CCDC142: variants seen among roughly 807,000 people sequenced by gnomAD.
The protein encoded by CCDC142 is coiled-coil domain-containing protein 142.
Under a neutral mutation model 83.8 loss-of-function variants are expected in CCDC142, and 67 were observed. That is an observed-to-expected ratio of 0.80 (90% confidence interval 0.66 to 0.98). CCDC142 has a LOEUF of 0.98. Among genes scored for constraint, CCDC142 ranks in the 50% least tolerant of loss-of-function variants. CCDC142 has a pLI of 0.00. For missense variants in CCDC142, 905 were observed against 946.8 expected, an observed-to-expected ratio of 0.96 and a Z score of 0.58; for synonymous variants, 421 against 421.2, an observed-to-expected ratio of 1.00 and a Z score of 0.01.
intron 1 of CCDC142, 111 bp downstream of exon 1, chr2:74,481,706 G>A (rs1231093336): frequency 2.1e-6 from 3 of 1,422,662 alleles, no homozygotes; most frequent in Admixed American, 2.0e-5. Context: ...ACCCAGGGGT[G>A]TTCTTTCTAA....
Position 74,475,008 on chromosome 2 carries a change from A to G in CCDC142, c.1904T>C (p.Leu635Pro). ...CCCATCCAGCTGCTGGAAGATGCTG[A>G]GCATGAGCAGGGTCTGGCGGAGATC... is the stretch of plus-strand genomic sequence containing the variant. ...SPDLRQTLLM[L>P]SIFQQLDGAL... is the part of the protein sequence containing the mutation. Residue 635 changes from leucine (L) to proline (P), a missense_variant, in exon 8 of 9, where the codon CTC becomes CCC. Leu to Pro is a moderately conservative substitution (Grantham distance 98, BLOSUM62 -3). Transcript: ENST00000393965. 1 of 1,614,012 alleles carries G rather than the reference A, an allele frequency of 6.2e-7. No homozygotes were observed. The highest frequency in any genetic ancestry group is 1.7e-5 in the Admixed American group (1 of 59,994).
Position 74,475,649 on chromosome 2 carries a change from C to T in CCDC142, c.1581G>A (p.Met527Ile). 6.2e-7 allele frequency: 1 copy of T among 1,614,114 alleles called. No homozygotes were observed. The highest frequency in any genetic ancestry group is 8.5e-7 in the Non-Finnish European group (1 of 1,180,024). Residue 527 changes from methionine (M) to isoleucine (I), a missense_variant, in exon 6 of 9, where the codon ATG becomes ATA. By Grantham distance (10) the Met-to-Ile change is conservative. Coordinates refer to ENST00000393965, the MANE Select transcript of CCDC142 (RefSeq NM_001365575.2). Reference protein sequence around the residue: ...KQAMQGFKLYMPRGRYWRLRL... With the variant: ...KQAMQGFKLYIPRGRYWRLRL... ...GAAGCCGCCAGTACCGACCCCGTGG[C>T]ATGTAGAGCTTGAAACCTTGCATGG...
At position 74,480,862 on chromosome 2, in the gene CCDC142, T is replaced by C. The variant is rs928073391; in HGVS notation, c.1410A>G (p.Glu470=). 6 of 1,613,808 alleles carry C rather than the reference T, an allele frequency of 3.7e-6. No individual in the cohort carries two copies. The African/African-American group carries it at 6.7e-5, about 18-fold the overall frequency. ...KDLPPLLHEA[E]ALYSLASEES... Reference sequence around the variant, plus strand: ...CCTCTGAGGCCAGGCTATACAAAGCTTCTGCCTCATGCAACAGAGGCTTTG... The same window carrying C: ...CCTCTGAGGCCAGGCTATACAAAGCCTCTGCCTCATGCAACAGAGGCTTTG... The change falls in exon 5 of 9, where the codon GAA becomes GAG. Residue 470 remains glutamate, a synonymous_variant. Coordinates refer to ENST00000393965, the MANE Select transcript of CCDC142 (RefSeq NM_001365575.2).
At chr2:74,480,711 G>A (rs528470385) in intron 5 of CCDC142, 58 bp downstream of exon 5, 83 of 1,225,248 alleles carry the variant, frequency 6.8e-5, no homozygotes, top group Admixed American at 2.2e-4. Flanking sequence ...TCCCACCCCC[G>A]ATACTTGGCA....
chr2:74,481,303 T>G lies in CCDC142; in HGVS notation c.1178A>C (p.Glu393Ala), dbSNP rs1272076912. 1.2e-6 allele frequency: 2 copies of G among 1,613,920 alleles called. No homozygotes were observed. The highest frequency in any genetic ancestry group is 2.7e-5 in the African/African-American group (2 of 74,874). ...SSLPTSSGTA[E>A]LLQQLFPPLL... is the part of the protein sequence containing the mutation. The stretch of plus-strand genomic sequence containing the variant: ...AGGAGGAAAGAGCTGCTGCAAAAGT[T>G]CAGCAGTGCCAGAGGATGTGGGAAG... Residue 393 changes from glutamate (E) to alanine (A), a missense_variant, in exon 3 of 9, where the codon GAA becomes GCA. This residue lies in a region of CCDC142 where 591 missense variants were observed against 571.4 expected (regional missense o/e 1.03). Coordinates refer to ENST00000393965, the MANE Select transcript of CCDC142 (RefSeq NM_001365575.2).
Position 74,482,676 on chromosome 2 carries a change from C to T in CCDC142, c.162G>A (p.Thr54=). ...CATCCGCCGGCGTCGGCCACCACGGCGTCCCTCCAGAAGTTCCGCTCGGCC... is the reference window on the plus strand; with the variant it reads ...CATCCGCCGGCGTCGGCCACCACGGTGTCCCTCCAGAAGTTCCGCTCGGCC... ...HCWPSGTSGG[T]PWWPTPADVS... Residue 54 remains threonine, a synonymous_variant, in exon 1 of 9, where the codon ACG becomes ACA. Transcript: ENST00000393965. This position sits in a 1 kb window ranked among gnomAD's most constrained non-coding sequence, Gnocchi z 5.0. 1.2e-6 allele frequency: 2 copies of T among 1,610,832 alleles called. No homozygotes were observed. The highest frequency in any genetic ancestry group is 1.1e-5 in the South Asian group (1 of 91,088).
At chr2:74,475,201 G>C (rs1672293504) in intron 7 of CCDC142, 24 bp downstream of exon 7, 2 of 1,613,946 alleles carry the variant, frequency 1.2e-6, no homozygotes, top group Non-Finnish European at 1.7e-6. Context: ...TTCACCCCCT[G>C]CCACTTCCAC....
chr2:74,481,332 G>A lies in CCDC142; in HGVS notation c.1149C>T (p.Ser383=). Residue 383 remains serine (S), a synonymous_variant, in exon 3 of 9, where the codon AGC becomes AGT. Transcript: ENST00000393965. ...QALGSALGGQ[S]SLPTSSGTAE... is the part of the protein sequence containing the mutation. Reference sequence around the variant, plus strand: ...CAGTGCCAGAGGATGTGGGAAGGCTGCTCTGACCCCCAAGAGCTGATCCCA... The same window carrying A: ...CAGTGCCAGAGGATGTGGGAAGGCTACTCTGACCCCCAAGAGCTGATCCCA... 6.2e-7 allele frequency: 1 copy of A among 1,614,130 alleles called. No homozygotes were observed. The highest frequency in any genetic ancestry group is 8.5e-7 in the Non-Finnish European group (1 of 1,180,014).
rs1202879537 is a variant in CCDC142 at position 74,474,928 on chromosome 2, G to T, written c.1984C>A (p.Pro662Thr). ...GGGAGTAACTCACAGCAACAGGGGG[G>T]CCTCCTGTGGACTTGAGACTTGGGC... ...PLPKSQVHRR[P>T]PCCCACQEVQ... The change falls in exon 8 of 9, where the codon CCC becomes ACC. Residue 662 changes from proline to threonine, a missense_variant. Around this residue, in one of 3 missense-constraint regions of CCDC142, gnomAD observed 265 missense variants for 288.9 expected, o/e 0.92. Coordinates refer to ENST00000393965, the MANE Select transcript of CCDC142 (RefSeq NM_001365575.2). 2 of 1,596,192 alleles carry T rather than the reference G, an allele frequency of 1.3e-6. No homozygotes were observed. Among genetic ancestry groups the T allele is most frequent in the Admixed American group, 1.7e-5 (1 of 58,068 alleles).
Position 74,481,358 on chromosome 2 carries a change from A to T in CCDC142, c.1123T>A (p.Leu375Met). The T allele has an allele frequency of 6.2e-7, 1 of 1,614,102 alleles. No individual in the cohort carries two copies. The highest frequency in any genetic ancestry group is 8.5e-7 in the Non-Finnish European group (1 of 1,180,020). Residue 375 changes from leucine (L) to methionine (M), a missense_variant, in exon 3 of 9, where the codon TTG (leucine) becomes ATG (methionine). By Grantham distance (15) the Leu-to-Met change is conservative. This residue lies in a region of CCDC142 where 591 missense variants were observed against 571.4 expected (regional missense o/e 1.03). Coordinates refer to ENST00000393965, the MANE Select transcript of CCDC142 (RefSeq NM_001365575.2). ...CTCTGACCCCCAAGAGCTGATCCCA[A>T]GGCCTGGCAGAAACCTGAGGATGAG... The part of the protein sequence containing the change: ...WSWDQGFCQA[L>M]GSALGGQSSL...
At position 74,480,956 on chromosome 2, in the gene CCDC142, A is replaced by G; in HGVS notation, c.1389T>C (p.Pro463=). Residue 463 remains proline (P), a splice_region_variant and synonymous_variant, in exon 4 of 9, where the codon CCT becomes CCC. Transcript: ENST00000393965. ...SFLLLIQKDL[P]PLLHEAEALY... ...CCCTCCCTACTCCCCAGCCACTCAC[A>G]GGTAAGTCCTTTTGGATCAGGAGCA... The G allele has an allele frequency of 6.2e-7, 1 of 1,613,782 alleles. No individual in the cohort carries two copies. Among genetic ancestry groups the G allele is most frequent in the Non-Finnish European group, 8.5e-7 (1 of 1,179,700 alleles).
intron 5 of CCDC142, among the ~76,000 whole-genome samples, chr2:74,480,441 G>T (rs1402126265): frequency 6.6e-6 from 1 of 151,956 alleles, no homozygotes; most frequent in East Asian, 1.9e-4. Context: ...AAATTCAAAA[G>T]TTAGACACGT....
rs181465627 is a variant in CCDC142, at chr2:74,479,340, A to T, written c.1503+1429T>A. Among the ~76,000 whole-genome samples the T allele has an allele frequency of 9.2e-5, 14 of 152,330 alleles. No homozygotes were observed. The East Asian group carries it at 2.7e-3, about 29-fold the overall frequency. ...CACACCCCTATTCGGGGCAAAGAGG[A>T]GAAAACTGAGCAGGAAAACAAAAAA... On this transcript the variant is annotated intron_variant, in intron 5 of 8. Transcript: ENST00000393965.
rs577608479 is a variant in CCDC142 at position 74,473,753 on chromosome 2, G to A, written c.*793C>T. 1.4e-5 allele frequency: 2 copies of A among 146,800 alleles called. No individual in the cohort carries two copies. The highest frequency in any genetic ancestry group is 5.0e-5 in the African/African-American group (2 of 40,106). 9.1% of individuals were successfully genotyped at this position (146,800 alleles called of 1,614,324 possible). ...TTTACTCTGGATTCCAGGTGCTGGAGTGATCTTGGATTTTTTTTTTTTTTT... is the reference window on the plus strand; with the variant it reads ...TTTACTCTGGATTCCAGGTGCTGGAATGATCTTGGATTTTTTTTTTTTTTT... On this transcript the variant is annotated 3_prime_UTR_variant, in exon 9 of 9. Transcript: ENST00000393965.
rs892481531 is a variant in CCDC142, at chr2:74,472,891, A to T, written c.*1655T>A. ...AGGCTGTCAGCAAATACAGCCTATC[A>T]TGAATAGTCCTCTCATACGACGGTG... On this transcript the variant is annotated 3_prime_UTR_variant, in exon 9 of 9. Coordinates refer to ENST00000393965, the MANE Select transcript of CCDC142 (RefSeq NM_001365575.2). The T allele has an allele frequency of 6.8e-6, 4 of 586,964 alleles. No individual in the cohort carries two copies. The highest frequency in any genetic ancestry group is 1.2e-5 in the Non-Finnish European group (4 of 328,348). 36.4% of individuals were successfully genotyped at this position (586,964 alleles called of 1,614,324 possible). A position where few individuals can be genotyped will look rare whatever the true frequency, so the allele number is the denominator to read the frequency against.
intron 5 of CCDC142, among the ~76,000 whole-genome samples, chr2:74,478,847 T>A (rs1672383351): frequency 6.7e-6 from 1 of 150,152 alleles, no homozygotes; most frequent in Non-Finnish European, 1.5e-5. Context: ...GCCAACATGG[T>A]GAAACCCATC....
At chr2:74,480,462 G>A (rs1449762928) in intron 5 of CCDC142, among the ~76,000 whole-genome samples, 1 of 151,926 alleles carries the variant, frequency 6.6e-6, no homozygotes, top group African/African-American at 2.4e-5. Flanking sequence ...GTGGTGGCAC[G>A]AGCTTGTAGT....
intron 6 of CCDC142, 57 bp from the exon 7 acceptor site, chr2:74,475,459 A>T: frequency 9.2e-6 from 14 of 1,519,352 alleles, no homozygotes; most frequent in Non-Finnish European, 1.2e-5. Flanking sequence ...CCCTAAATGG[A>T]GTGTTTGGGA....
At position 74,473,508 on chromosome 2, in the gene CCDC142, G is replaced by C. The variant is rs1672237509; in HGVS notation, c.*1038C>G. On this transcript the variant is annotated 3_prime_UTR_variant, in exon 9 of 9. Transcript: ENST00000393965. ...GCTAATTTTTTGTATTTTTAGTAGA[G>C]GCGGGGTTTCACCGCGTTAGCCAGG... Among the ~76,000 whole-genome samples the C allele has an allele frequency of 6.6e-6, 1 of 151,964 alleles. No individual in the cohort carries two copies. The highest frequency in any genetic ancestry group is 1.5e-5 in the Non-Finnish European group (1 of 68,002).
Sources: allele counts gnomAD v4.1 joint callset (sites outside exome capture counted in the v4.1 genomes callset), GRCh38; gene constraint gnomAD v4.1.1; regional missense constraint gnomAD v4.1.1; non-coding constraint Gnocchi (gnomAD v3.1); transcripts MANE v1.5; gene names NCBI Gene and HGNC (gene_info 2026-07-23, HGNC 2026-07-21).